The following CCDC18 variants were observed in gnomAD, a reference collection of about 807,000 sequenced individuals.
CCDC18 encodes coiled-coil domain containing 18, also known as coiled-coil domain-containing protein 18.
CCDC18 carries 157 observed loss-of-function variants against 196.0 expected under a neutral mutation model. The ratio of observed to expected loss-of-function variants is 0.80; its 90% confidence interval spans 0.70 to 0.91. CCDC18 has a LOEUF of 0.91. Ranked by LOEUF, CCDC18 falls within the 40% of genes least tolerant of loss-of-function variation. CCDC18 has a pLI of 0.00. For missense variants in CCDC18, 1,465 were observed against 1,611.6 expected (o/e 0.91, Z 1.56); for synonymous variants, 482 against 529.2 (o/e 0.91, Z 1.22).
chr1:93,245,268 T>TA (rs1346666435), intron 21 of CCDC18, among the ~76,000 whole-genome samples: 4 of 152,330 alleles, frequency 2.6e-5, no homozygotes, highest in African/African-American at 9.6e-5. Flanking sequence ...AGATAGAAGT[T>TA]AGAGTTTTCT....
intron 23 of CCDC18, among the ~76,000 whole-genome samples, chr1:93,250,314 G>A (rs747491788): frequency 8.1e-5 from 12 of 147,984 alleles, no homozygotes; most frequent in African/African-American, 2.5e-4. Flanking sequence ...CCAGGAGGTC[G>A]AGGCTGCAGT....
At chr1:93,187,616 G>A (rs986981615) in intron 4 of CCDC18, among the ~76,000 whole-genome samples, 1 of 152,040 alleles carries the variant, frequency 6.6e-6, no homozygotes, top group Non-Finnish European at 1.5e-5. Flanking sequence ...GGAGTTATGG[G>A]AAGACTTTAT....
intron 16 of CCDC18, among the ~76,000 whole-genome samples, chr1:93,222,488 A>G (rs949528530): frequency 6.6e-6 from 1 of 152,172 alleles, no homozygotes; most frequent in African/African-American, 2.4e-5. Flanking sequence ...GCTTGTTTTT[A>G]TCAGTTGGCT....
At position 93,221,897 on chromosome 1, in the gene CCDC18, A is replaced by G; in HGVS notation, c.2136A>G (p.Leu712=). 6.2e-7 allele frequency: 1 copy of G among 1,602,002 alleles called. No individual in the cohort carries two copies. Among genetic ancestry groups the G allele is most frequent in the Non-Finnish European group, 8.5e-7 (1 of 1,172,082 alleles). Residue 712 remains leucine (L), a synonymous_variant, in exon 16 of 29, where the codon TTA becomes TTG. Coordinates refer to ENST00000690025, the MANE Select transcript of CCDC18 (RefSeq NM_001378204.1). ...KKENMKKDEA[L]KALQNQVSEE... ...AAAATATGAAGAAAGATGAAGCTTTAAAAGCATTACAGAACCAAGTATCTG... is the reference window on the plus strand; with the variant it reads ...AAAATATGAAGAAAGATGAAGCTTTGAAAGCATTACAGAACCAAGTATCTG...
At chr1:93,263,890 T>G (rs1300945922) in intron 26 of CCDC18, among the ~76,000 whole-genome samples, 2 of 152,176 alleles carry the variant, frequency 1.3e-5, no homozygotes, top group East Asian at 3.9e-4. Flanking sequence ...GTCTTAGGGC[T>G]GGTGTGAGTG....
chr1:93,211,013 A>G lies in CCDC18; in HGVS notation c.1334+87A>G, dbSNP rs1655528149. ...CTTAATTGGCCGGGCATGGTGGCTC[A>G]TGCCTGTAATCCCAACACTTTGGGA... On this transcript the variant is annotated intron_variant, in intron 10 of 28. Transcript: ENST00000690025. 1.0e-5 allele frequency: 14 copies of G among 1,405,688 alleles called. No homozygotes were observed. The South Asian group carries it at 1.7e-4, about 17-fold the overall frequency. 87.1% of individuals were successfully genotyped at this position (1,405,688 alleles called of 1,614,324 possible).
rs896738961 is a variant in CCDC18, at chr1:93,217,786, C to T, written c.1879C>T (p.His627Tyr). The T allele has an allele frequency of 6.2e-7, 1 of 1,608,234 alleles. No homozygotes were observed. Among genetic ancestry groups the T allele is most frequent in the Non-Finnish European group, 8.5e-7 (1 of 1,174,904 alleles). The stretch of plus-strand genomic sequence containing the variant: ...TCTAGAAACCAATATTAATACAGAG[C>T]ATGAGAAAATTTGTTTAGCCTTTGA... ...RSLETNINTE[H>Y]EKICLAFEKA... The change falls in exon 14 of 29, where the codon CAT (histidine) becomes TAT (tyrosine). Residue 627 changes from histidine (H) to tyrosine (Y), a missense_variant. Physicochemically the swap from His to Tyr is moderately conservative, Grantham distance 83 (BLOSUM62 2). Transcript: ENST00000690025.
At chr1:93,190,682 T>C in intron 4 of CCDC18, 1 of 377,200 alleles carries the variant, frequency 2.7e-6, no homozygotes, top group Non-Finnish European at 4.8e-6. Context: ...TTCCCTTTTT[T>C]TTTTTTTAAC....
chr1:93,223,488 A>G (rs188685305), intron 16 of CCDC18, among the ~76,000 whole-genome samples: 58 of 152,262 alleles, frequency 3.8e-4, no homozygotes, highest in Non-Finnish European at 7.2e-4. Flanking sequence ...GTCTCTCAAC[A>G]TGCCTCAACT....
intron 6 of CCDC18, among the ~76,000 whole-genome samples, chr1:93,196,366 T>C (rs895821541): frequency 1.3e-5 from 2 of 151,412 alleles, no homozygotes; most frequent in African/African-American, 4.8e-5. Flanking sequence ...TTCAGATAAA[T>C]ACTCACCAAA....
chr1:93,260,817 G>C (rs1199937262), intron 26 of CCDC18, among the ~76,000 whole-genome samples: 1 of 151,984 alleles, frequency 6.6e-6, no homozygotes, highest in Non-Finnish European at 1.5e-5. Flanking sequence ...CCCTCCCTAG[G>C]TCTATGTGTT....
At chr1:93,207,652 T>C (rs1411934817) in intron 9 of CCDC18, among the ~76,000 whole-genome samples, 1 of 152,184 alleles carries the variant, frequency 6.6e-6, no homozygotes, top group Non-Finnish European at 1.5e-5. Flanking sequence ...GTATCATTTA[T>C]ATACCATAAA....
intron 28 of CCDC18, among the ~76,000 whole-genome samples, chr1:93,274,822 C>G (rs1665540891): frequency 6.6e-6 from 1 of 152,186 alleles, no homozygotes; most frequent in African/African-American, 2.4e-5. Context: ...AAGAACCCAT[C>G]TCTAAACAAA....
Position 93,212,033 on chromosome 1 carries a change from A to G in CCDC18, c.1335-68A>G, listed in dbSNP as rs1655731125. 3 of 1,332,628 alleles carry G rather than the reference A, an allele frequency of 2.3e-6. No individual in the cohort carries two copies. In the East Asian group the frequency reaches 7.3e-5, roughly 32 times the overall value. 82.6% of individuals were successfully genotyped at this position (1,332,628 alleles called of 1,614,324 possible). ...TTTTAAATCAACTTGAAAGGTGAAA[A>G]ATAGTACAGTATGAGTTTTTTTATA... On this transcript the variant is annotated intron_variant, in intron 10 of 28. Coordinates refer to ENST00000690025, the MANE Select transcript of CCDC18 (RefSeq NM_001378204.1).
intron 26 of CCDC18, among the ~76,000 whole-genome samples, chr1:93,264,442 G>T (rs1330713145): frequency 2.0e-5 from 3 of 152,072 alleles, no homozygotes; most frequent in Non-Finnish European, 4.4e-5. Context: ...TGTCTTTATA[G>T]TTTATTTGTT....
intron 10 of CCDC18, among the ~76,000 whole-genome samples, chr1:93,211,591 C>T (rs776134615): frequency 2.0e-5 from 3 of 151,958 alleles, no homozygotes; most frequent in African/African-American, 4.8e-5. Context: ...AAATATGTAC[C>T]GTATACTGTG....
chr1:93,202,082 CAG>C (rs1401269015), intron 7 of CCDC18, 94 bp downstream of exon 7: 2 of 601,364 alleles, frequency 3.3e-6, no homozygotes, highest in Middle Eastern at 4.0e-4. Flanking sequence ...ATGGTTGAGA[CAG>C]AGAGTAATTT....
At chr1:93,216,303 T>G (rs1164563210) in intron 12 of CCDC18, among the ~76,000 whole-genome samples, 1 of 152,236 alleles carries the variant, frequency 6.6e-6, no homozygotes, top group Admixed American at 6.5e-5. Flanking sequence ...ATTTCAGTCT[T>G]TAACAGCTAC....
At chr1:93,184,645 C>T (rs1348084654) in intron 3 of CCDC18, among the ~76,000 whole-genome samples, 2 of 151,820 alleles carry the variant, frequency 1.3e-5, no homozygotes, top group Non-Finnish European at 3.0e-5. Context: ...ATTTATCTCC[C>T]TGCATTTATC....
Sources: allele counts gnomAD v4.1 joint callset (sites outside exome capture counted in the v4.1 genomes callset), GRCh38; gene constraint gnomAD v4.1.1; transcripts MANE v1.5; gene names NCBI Gene and HGNC (gene_info 2026-07-23, HGNC 2026-07-21).